Variants in ELMOD1 observed in about 807,000 individuals in gnomAD.
ELMOD1 encodes ELMO domain-containing protein 1.
Under a neutral mutation model 46.7 loss-of-function variants are expected in ELMOD1, and 21 were observed. The ratio of observed to expected loss-of-function variants is 0.45; its 90% CI spans 0.32 to 0.65. The LOEUF is 0.65. Among genes scored for constraint, ELMOD1 ranks in the 30% least tolerant of loss-of-function variants. The pLI is 0.04. For synonymous variants in ELMOD1, 122 were observed against 138.2 expected (o/e 0.88, Z 0.82); for missense variants, 348 against 407.8 (o/e 0.85, Z 1.26).
At chr11:107,653,554 C>G (rs1324928724) in intron 9 of ELMOD1, 1 of 145,126 alleles carries the variant, frequency 6.9e-6, no homozygotes, top group Non-Finnish European at 1.5e-5. Context: ...CTCCCTTCCT[C>G]TCTTCCTCCC....
chr11:107,660,341 C>T (rs536400865), intron 11 of ELMOD1, among the ~76,000 whole-genome samples: 3 of 152,228 alleles, frequency 2.0e-5, no homozygotes, highest in African/African-American at 7.2e-5. Flanking sequence ...ATCCTTCTGA[C>T]GTTACAGTAT....
intron 9 of ELMOD1, among the ~76,000 whole-genome samples, chr11:107,651,920 A>T (rs1441368843): frequency 1.3e-5 from 2 of 152,228 alleles, no homozygotes; most frequent in East Asian, 3.8e-4. Flanking sequence ...TCATAGTTGT[A>T]TCTCCTGTGT....
chr11:107,654,256 G>A (rs376938391), intron 10 of ELMOD1, 34 bp downstream of exon 10: 179 of 1,557,088 alleles, frequency 1.1e-4, no homozygotes, highest in Non-Finnish European at 1.4e-4. Flanking sequence ...AAGATGGTCC[G>A]TCTGAAACAG....
intron 2 of ELMOD1, among the ~76,000 whole-genome samples, chr11:107,626,042 C>T (rs1225130676): frequency 6.6e-6 from 1 of 152,184 alleles, no homozygotes; most frequent in African/African-American, 2.4e-5. Flanking sequence ...TCAGTATTTT[C>T]TCCATCTAGT....
chr11:107,602,636 A>G (rs1264426997), intron 1 of ELMOD1, among the ~76,000 whole-genome samples: 1 of 151,296 alleles, frequency 6.6e-6, no homozygotes, highest in Non-Finnish European at 1.5e-5. Context: ...TTCCTATTTA[A>G]TGAGTATAAT....
intron 2 of ELMOD1, chr11:107,620,085 A>G (rs984088032): frequency 6.6e-6 from 1 of 152,208 alleles, no homozygotes; most frequent in African/African-American, 2.4e-5. Flanking sequence ...CATTTGAACC[A>G]AAGAGAAGGT....
At chr11:107,623,582 T>G (rs558813138) in intron 2 of ELMOD1, 1 of 152,414 alleles carries the variant, frequency 6.6e-6, no homozygotes, top group East Asian at 1.9e-4. Context: ...GGCTGTTCTG[T>G]CTGTCTCTGT....
chr11:107,652,230 T>C (rs1866538342), intron 9 of ELMOD1, among the ~76,000 whole-genome samples: 1 of 152,238 alleles, frequency 6.6e-6, no homozygotes, highest in African/African-American at 2.4e-5. Context: ...AAGCCCTGAA[T>C]ATTTCAGGTG....
At position 107,630,537 on chromosome 11, in the gene ELMOD1, G is replaced by A. The variant is rs192561252; in HGVS notation, c.138G>A (p.Pro46=). 717 of 1,610,424 alleles carry A rather than the reference G, an allele frequency of 4.5e-4. 1 individual carries two copies. Among genetic ancestry groups the A allele is most frequent in the Non-Finnish European group, 5.8e-4 (682 of 1,178,406 alleles). The change falls in exon 3 of 12, where the codon CCG becomes CCA. Residue 46 remains proline (P), a synonymous_variant. Transcript: ENST00000265840. ...ELQRICYNTK[P]GASRTMKIET... is the part of the protein sequence containing the mutation. ...AACGGATCTGTTATAATACCAAGCC[G>A]GGAGCTTCTAGAACCATGAAAATCG... is the stretch of plus-strand genomic sequence containing the variant.
intron 1 of ELMOD1, among the ~76,000 whole-genome samples, chr11:107,614,312 C>T (rs1297757571): frequency 1.3e-5 from 2 of 152,116 alleles, no homozygotes; most frequent in Non-Finnish European, 2.9e-5. Flanking sequence ...CCTCATATTA[C>T]AATTTATTCT....
At chr11:107,608,338 A>T (rs1389491596) in intron 1 of ELMOD1, among the ~76,000 whole-genome samples, 2 of 144,778 alleles carry the variant, frequency 1.4e-5, no homozygotes, top group Non-Finnish European at 3.0e-5. Context: ...CAGCCACTAG[A>T]TATATTTTAT....
chr11:107,660,151 A>T (rs1359348101), intron 11 of ELMOD1, among the ~76,000 whole-genome samples: 1 of 152,124 alleles, frequency 6.6e-6, no homozygotes, highest in Non-Finnish European at 1.5e-5. Context: ...CCTGTGTAAT[A>T]TTCTTGCAAT....
At position 107,656,385 on chromosome 11, in the gene ELMOD1, C is replaced by G. The variant is rs1226334918; in HGVS notation, c.832+319C>G. 2.1e-5 allele frequency among the ~76,000 whole-genome samples: 3 copies of G among 145,928 alleles called. No homozygotes were observed. In the Admixed American group the frequency reaches 2.1e-4, roughly 10 times the overall value. On this transcript the variant is annotated intron_variant, in intron 11 of 11. Transcript: ENST00000265840. ...CCTGGACAACAGAGTGAGACTCCAT[C>G]TCAAAAAAAATGATATATATGTATA... is the stretch of plus-strand genomic sequence containing the variant.
chr11:107,598,715 C>T (rs535607577), intron 1 of ELMOD1, among the ~76,000 whole-genome samples: 18 of 152,218 alleles, frequency 1.2e-4, no homozygotes, highest in African/African-American at 1.7e-4. Flanking sequence ...AGTGCTGGAG[C>T]GTCAGTGGGG....
intron 5 of ELMOD1, 79 bp downstream of exon 5, chr11:107,631,756 CT>C (rs981637190): frequency 2.4e-4 from 158 of 658,754 alleles, no homozygotes; most frequent in South Asian, 6.3e-4. Flanking sequence ...TGTCTCCTCT[CT>C]TTTTTTTTCT....
chr11:107,639,904 A>G (rs1866291435), intron 6 of ELMOD1, among the ~76,000 whole-genome samples: 1 of 152,298 alleles, frequency 6.6e-6, no homozygotes, highest in East Asian at 1.9e-4. Flanking sequence ...TTCCTAGTGC[A>G]TGACCTCATC....
chr11:107,615,738 A>G (rs1865851139), intron 1 of ELMOD1, among the ~76,000 whole-genome samples: 1 of 151,834 alleles, frequency 6.6e-6, no homozygotes, highest in South Asian at 2.1e-4. Context: ...TGGCTGTGAT[A>G]GTTTCTTAGA....
rs137985634 is a variant in ELMOD1 at position 107,594,846 on chromosome 11, T to G, written c.-86+3437T>G. Among the ~76,000 whole-genome samples, 14 of 152,272 alleles carry G rather than the reference T, an allele frequency of 9.2e-5. No homozygotes were observed. The East Asian group carries it at 2.7e-3, about 29-fold the overall frequency. On this transcript the variant is annotated intron_variant, in intron 1 of 11. Transcript: ENST00000265840. The stretch of plus-strand genomic sequence containing the variant: ...AACTAGATTCTGATGATGGAAAGAG[T>G]GTACATTTTACAGAAATAGCACTAT...
Position 107,591,686 on chromosome 11 carries a change from C to A in ELMOD1, c.-86+277C>A, listed in dbSNP as rs11212291. 23 of 365,452 alleles carry A rather than the reference C, an allele frequency of 6.3e-5. No individual in the cohort carries two copies. The East Asian group carries it at 1.6e-3, about 26-fold the overall frequency. The allele number at this position is 365,452 out of a possible 1,614,324, so 22.6% of individuals were successfully genotyped here. A position where few individuals can be genotyped will look rare whatever the true frequency, so the allele number is the denominator to read the frequency against. ...GGTCGGCGCGAGAGGCTGTTTGCAT[C>A]TCGGCCCGGGCGTAGGTCGCCTAGC... On this transcript the variant is annotated intron_variant, in intron 1 of 11. Coordinates refer to ENST00000265840, the MANE Select transcript of ELMOD1 (RefSeq NM_018712.4).
Sources: allele counts gnomAD v4.1 joint callset (sites outside exome capture counted in the v4.1 genomes callset), GRCh38; gene constraint gnomAD v4.1.1; transcripts MANE v1.5; gene names NCBI Gene and HGNC (gene_info 2026-07-23, HGNC 2026-07-21).